The following ATM variants were observed in gnomAD, a reference collection of about 807,000 sequenced individuals.
ATM encodes the protein ATM serine/threonine kinase, also known as serine-protein kinase ATM.
A neutral mutation model predicts 387.0 loss-of-function variants in ATM; 308 were observed. The observed-to-expected ratio is 0.80, with a 90% CI of 0.73 to 0.87. ATM has a LOEUF of 0.87. ATM is among the 40% of genes least tolerant of loss of function. The pLI, the probability that ATM is intolerant of heterozygous loss-of-function variation, is 0.00. For missense variants in ATM, 3,312 were observed against 3,560.9 expected (o/e 0.93, Z 1.78); for synonymous variants, 1,156 against 1,187.3 (o/e 0.97, Z 0.54).
At chr11:108,324,514 T>G (rs1270555324) in intron 45 of ATM, among the ~76,000 whole-genome samples, 1 of 152,160 alleles carries the variant, frequency 6.6e-6, no homozygotes, top group East Asian at 1.9e-4. Flanking sequence ...TTTGTTTGAT[T>G]GTAAAGGAGT....
intron 16 of ATM, among the ~76,000 whole-genome samples, chr11:108,260,343 C>T (rs959652771): frequency 2.0e-5 from 3 of 152,092 alleles, no homozygotes; most frequent in African/African-American, 4.8e-5. Flanking sequence ...CCAAAAAGCC[C>T]ATCTGCTCTT....
intron 4 of ATM, chr11:108,229,622 A>G (rs1185011800): frequency 1.8e-5 from 5 of 270,658 alleles, no homozygotes; most frequent in Admixed American, 5.0e-5. Flanking sequence ...TAATATTACA[A>G]GTTCAAATAT....
At chr11:108,361,587 T>A (rs986756611) in intron 61 of ATM, among the ~76,000 whole-genome samples, 1 of 151,906 alleles carries the variant, frequency 6.6e-6, no homozygotes, top group Non-Finnish European at 1.5e-5. Flanking sequence ...ATGGTACTGG[T>A]ACCAAAACAG....
chr11:108,341,891 A>G (rs1488170104), intron 56 of ATM, among the ~76,000 whole-genome samples: 1 of 152,188 alleles, frequency 6.6e-6, no homozygotes, highest in African/African-American at 2.4e-5. Flanking sequence ...CGGTACAGTC[A>G]CTTTGAATAG....
At chr11:108,306,402 A>G (rs1277858536) in intron 37 of ATM, among the ~76,000 whole-genome samples, 1 of 152,186 alleles carries the variant, frequency 6.6e-6, no homozygotes. Flanking sequence ...AAATACAGGT[A>G]TAAGTGATTT....
At chr11:108,338,279 T>A (rs529679551) in intron 56 of ATM, among the ~76,000 whole-genome samples, 2 of 152,068 alleles carry the variant, frequency 1.3e-5, no homozygotes, top group Non-Finnish European at 2.9e-5. Flanking sequence ...TAAACCCGGA[T>A]GGCAGAGGTT....
In ATM at chr11:108,289,721, T is replaced by C. The variant is rs1283294799; in HGVS notation, c.4356T>C (p.Asp1452=). 4 of 1,613,644 alleles carry C rather than the reference T, an allele frequency of 2.5e-6. No individual in the cohort carries two copies. In the African/African-American group the frequency reaches 4.0e-5, roughly 16 times the overall value. Reference sequence around the variant, plus strand: ...TGTTTGTTAGTTTATTACTGAAAGATATAAAAAGTGGCTTAGGAGGAGCTT... The same window carrying C: ...TGTTTGTTAGTTTATTACTGAAAGACATAAAAAGTGGCTTAGGAGGAGCTT... ...YHLFVSLLLK[D]IKSGLGGAWA... Residue 1452 remains aspartate (D), a synonymous_variant, in exon 29 of 63, where the codon GAT becomes GAC. Coordinates refer to ENST00000675843, the MANE Select transcript of ATM (RefSeq NM_000051.4).
chr11:108,293,886 A>ATATATAT (rs1555100904), intron 31 of ATM, among the ~76,000 whole-genome samples: 9 of 103,458 alleles, frequency 8.7e-5, no homozygotes, highest in Non-Finnish European at 1.6e-4. Flanking sequence ...TCAAAAAAAA[A>ATATATAT]AAAAAAAAAT....
intron 56 of ATM, among the ~76,000 whole-genome samples, chr11:108,337,063 A>C (rs1352203673): frequency 6.6e-6 from 1 of 152,186 alleles, no homozygotes; most frequent in African/African-American, 2.4e-5. Flanking sequence ...TAATGGCTAA[A>C]TTAAAAGCCC....
intron 16 of ATM, among the ~76,000 whole-genome samples, chr11:108,261,050 G>C (rs2080844199): frequency 1.3e-5 from 2 of 151,952 alleles, no homozygotes; most frequent in Admixed American, 6.5e-5. Flanking sequence ...AGGCGGCAGC[G>C]AGGCTGGGGG....
In ATM at chr11:108,329,039, A is replaced by G. The variant is rs767494363; in HGVS notation, c.7108A>G (p.Asn2370Asp). ...YLEKAVEVAG[N>D]YDGESSDELR... ...CTTGAAGGCAGTAGAAGTTGCTGGAAATTATGATGGAGAAAGTAGTGATGA... is the reference window on the plus strand; with the variant it reads ...CTTGAAGGCAGTAGAAGTTGCTGGAGATTATGATGGAGAAAGTAGTGATGA... Residue 2370 changes from asparagine (N) to aspartate (D), a missense_variant, in exon 49 of 63, where the codon AAT becomes GAT. Asn to Asp is a conservative substitution (Grantham distance 23, BLOSUM62 1). Transcript: ENST00000675843. 1.9e-6 allele frequency: 3 copies of G among 1,613,980 alleles called. No homozygotes were observed. Among genetic ancestry groups the G allele is most frequent in the Non-Finnish European group, 1.7e-6 (2 of 1,179,998 alleles).
intron 16 of ATM, among the ~76,000 whole-genome samples, chr11:108,260,400 C>T (rs1442413875): frequency 6.6e-6 from 1 of 152,118 alleles, no homozygotes. Flanking sequence ...ACAAAGACTT[C>T]TGTGGTACAG....
intron 16 of ATM, among the ~76,000 whole-genome samples, chr11:108,262,069 A>C (rs191675513): frequency 1.3e-5 from 2 of 149,576 alleles, no homozygotes; most frequent in African/African-American, 5.1e-5. Context: ...GCAGGATATT[A>C]TCCAGGAGAA....
intron 8 of ATM, 53 bp downstream of exon 8, chr11:108,247,180 T>C: frequency 6.3e-7 from 1 of 1,585,680 alleles, no homozygotes; most frequent in Non-Finnish European, 8.6e-7. Flanking sequence ...ATTTTTTTTT[T>C]AAACTGGGCA....
chr11:108,328,600 A>G (rs975698660), intron 48 of ATM, among the ~76,000 whole-genome samples: 3 of 152,202 alleles, frequency 2.0e-5, no homozygotes, highest in African/African-American at 7.2e-5. Flanking sequence ...CTTTACAAGT[A>G]TTAGCTGTCT....
chr11:108,225,484 G>C (rs944706304), intron 1 of ATM: 2 of 152,036 alleles, frequency 1.3e-5, no homozygotes, highest in African/African-American at 2.4e-5. Context: ...TTTTTGTCTT[G>C]TTTTGTTTTG....
intron 37 of ATM, 114 bp downstream of exon 37, chr11:108,304,966 T>C: frequency 1.5e-6 from 2 of 1,292,776 alleles, no homozygotes; most frequent in Non-Finnish European, 2.1e-6. Context: ...AACCTCTAAA[T>C]TTGTTTCTTC....
intron 5 of ATM, chr11:108,236,111 GA>G (rs1339602509): frequency 6.5e-5 from 29 of 446,864 alleles, no homozygotes; most frequent in African/African-American, 4.8e-4. Flanking sequence ...AGTGGCAGAA[GA>G]AAACCCAAGT....
At chr11:108,339,072 T>C (rs952997231) in intron 56 of ATM, among the ~76,000 whole-genome samples, 1 of 152,210 alleles carries the variant, frequency 6.6e-6, no homozygotes, top group Non-Finnish European at 1.5e-5. Flanking sequence ...ATGCCAGATA[T>C]CTCTTGTCAG....
Sources: gnomAD v4.1 joint callset for allele counts (sites outside exome capture counted in the v4.1 genomes callset) on GRCh38, gnomAD v4.1.1 for gene constraint, MANE v1.5 for transcripts, NCBI Gene and HGNC (gene_info 2026-07-23, HGNC 2026-07-21) for gene names.